PACRG: variants seen among roughly 807,000 people sequenced by gnomAD.
The protein encoded by PACRG is parkin coregulated.
Under a neutral mutation model 29.7 loss-of-function variants are expected in PACRG, and 29 were observed. The observed-to-expected ratio is 0.98, with a 90% CI of 0.73 to 1.33. The LOEUF is 1.33. Among genes scored for constraint, PACRG ranks in the 40% most tolerant of loss-of-function variants. The probability of loss-of-function intolerance (pLI) is 0.00; values close to 1 mark genes in which losing one functional copy is unlikely to be tolerated. For synonymous variants in PACRG, 116 were observed against 118.7 expected (o/e 0.98, Z 0.15); for missense variants, 279 against 316.2 (o/e 0.88, Z 0.89).
chr6:163,208,521 A>G (rs1370290880), intron 4 of PACRG, among the ~76,000 whole-genome samples: 1 of 152,174 alleles, frequency 6.6e-6, no homozygotes, highest in African/African-American at 2.4e-5. Flanking sequence ...TAACAAATAA[A>G]TGTGCATTTT....
chr6:162,936,510 A>G (rs1798243097), intron 2 of PACRG, among the ~76,000 whole-genome samples: 1 of 152,210 alleles, frequency 6.6e-6, no homozygotes, highest in African/African-American at 2.4e-5. Context: ...TGCAGTGCCT[A>G]AAAATATACT....
At chr6:162,952,106 C>T (rs1253665751) in intron 2 of PACRG, among the ~76,000 whole-genome samples, 1 of 152,180 alleles carries the variant, frequency 6.6e-6, no homozygotes, top group Non-Finnish European at 1.5e-5. Flanking sequence ...ATCTCTACCT[C>T]TCCGTCATGA....
At chr6:163,032,627 G>A (rs1056768847) in intron 2 of PACRG, among the ~76,000 whole-genome samples, 1 of 152,040 alleles carries the variant, frequency 6.6e-6, no homozygotes, top group Non-Finnish European at 1.5e-5. Context: ...TATAATTTTA[G>A]AAGACATACC....
chr6:162,858,405 A>T (rs903637486), intron 2 of PACRG, among the ~76,000 whole-genome samples: 1 of 152,132 alleles, frequency 6.6e-6, no homozygotes, highest in Non-Finnish European at 1.5e-5. Flanking sequence ...TCTCCCACCA[A>T]GTCCCTCCTT....
chr6:163,227,521 G>A (rs1381729655), intron 4 of PACRG, among the ~76,000 whole-genome samples: 2 of 152,214 alleles, frequency 1.3e-5, no homozygotes, highest in Non-Finnish European at 2.9e-5. Flanking sequence ...ATATGTAACG[G>A]AAAGATAACG....
intron 1 of PACRG, among the ~76,000 whole-genome samples, chr6:162,780,708 T>TA (rs1322074507): frequency 6.6e-6 from 1 of 152,062 alleles, no homozygotes; most frequent in Non-Finnish European, 1.5e-5. Flanking sequence ...ATAGAAAATA[T>TA]AAAAAGATCC....
At chr6:163,277,651 A>G (rs958533925) in intron 4 of PACRG, among the ~76,000 whole-genome samples, 1 of 146,640 alleles carries the variant, frequency 6.8e-6, no homozygotes, top group Non-Finnish European at 1.5e-5. Flanking sequence ...ATATATGTAT[A>G]TGTGTGTGTG....
At chr6:163,109,103 A>G (rs1008815427) in intron 4 of PACRG, among the ~76,000 whole-genome samples, 2 of 152,202 alleles carry the variant, frequency 1.3e-5, no homozygotes, top group African/African-American at 4.8e-5. Context: ...TGGACAGGGT[A>G]TAGCCCAGCT....
At chr6:163,196,011 C>T (rs1780437315) in intron 4 of PACRG, among the ~76,000 whole-genome samples, 1 of 152,176 alleles carries the variant, frequency 6.6e-6, no homozygotes, top group South Asian at 2.1e-4. Context: ...AGACCCCCTA[C>T]GAGCTGGTTC....
At chr6:163,291,461 G>A (rs1004700539) in intron 4 of PACRG, among the ~76,000 whole-genome samples, 1 of 152,188 alleles carries the variant, frequency 6.6e-6, no homozygotes, top group African/African-American at 2.4e-5. Flanking sequence ...CTGCCCGCCC[G>A]AGCTGGCCTG....
chr6:163,091,123 A>T (rs564699654), intron 4 of PACRG, among the ~76,000 whole-genome samples: 221 of 152,320 alleles, frequency 1.5e-3, no homozygotes, highest in African/African-American at 4.7e-3. Context: ...AAAGGCTAGA[A>T]CTTATATCTA....
chr6:162,798,038 G>A lies in PACRG; in HGVS notation c.157-16109G>A, dbSNP rs9458646. ...TATTTTTCATCAATTAGTAAGTTTT[G>A]CTGCTCTTTTAAATATTGTTTTTCT... On this transcript the variant is annotated intron_variant, in intron 1 of 4. Coordinates refer to ENST00000366888, the MANE Select transcript of PACRG (RefSeq NM_001080379.2). Among the ~76,000 whole-genome samples the A allele has an allele frequency of 5.8e-3, 882 of 152,150 alleles. 7 individuals are homozygous for A. The highest frequency in any genetic ancestry group is 0.02 in the African/African-American group (842 of 41,504).
At chr6:163,056,821 C>G (rs964090259) in intron 2 of PACRG, among the ~76,000 whole-genome samples, 1 of 152,184 alleles carries the variant, frequency 6.6e-6, no homozygotes, top group Admixed American at 6.5e-5. Flanking sequence ...CTCCACCCCT[C>G]TAATGCAGCT....
At chr6:162,868,750 G>T (rs1182660818) in intron 2 of PACRG, among the ~76,000 whole-genome samples, 1 of 152,216 alleles carries the variant, frequency 6.6e-6, no homozygotes, top group Admixed American at 6.5e-5. Context: ...GCCGCGGGAT[G>T]CCCTGTCTTT....
At chr6:163,123,514 A>G (rs1356628907) in intron 4 of PACRG, among the ~76,000 whole-genome samples, 2 of 152,108 alleles carry the variant, frequency 1.3e-5, no homozygotes, top group Admixed American at 1.3e-4. Context: ...TTTCTTAATA[A>G]CTCCTATATT....
At chr6:163,012,257 A>G (rs1805683888) in intron 2 of PACRG, among the ~76,000 whole-genome samples, 1 of 152,242 alleles carries the variant, frequency 6.6e-6, no homozygotes, top group African/African-American at 2.4e-5. Flanking sequence ...AGAAATATGA[A>G]TGCAATTGTT....
chr6:162,816,519 ATTT>A (rs1787362144), intron 2 of PACRG, among the ~76,000 whole-genome samples: 1 of 151,794 alleles, frequency 6.6e-6, no homozygotes, highest in African/African-American at 2.4e-5. Flanking sequence ...CGCCCGGCTA[ATTT>A]TTTGTATTTT....
intron 2 of PACRG, among the ~76,000 whole-genome samples, chr6:162,984,303 GA>G (rs1417010429): frequency 6.6e-6 from 1 of 151,920 alleles, no homozygotes; most frequent in East Asian, 1.9e-4. Flanking sequence ...ACTTCTCCTA[GA>G]ATAATAGTCT....
intron 2 of PACRG, among the ~76,000 whole-genome samples, chr6:162,920,230 G>A (rs1348164786): frequency 6.6e-6 from 1 of 152,138 alleles, no homozygotes; most frequent in Non-Finnish European, 1.5e-5. Flanking sequence ...AGGAAGAGAG[G>A]TGCTCTGTAT....
Sources: gnomAD v4.1 joint callset for allele counts (sites outside exome capture counted in the v4.1 genomes callset) on GRCh38, gnomAD v4.1.1 for gene constraint, MANE v1.5 for transcripts, NCBI Gene and HGNC (gene_info 2026-07-23, HGNC 2026-07-21) for gene names.